Variants in PSD3 observed in about 807,000 individuals in gnomAD.
PSD3 encodes PH and SEC7 domain-containing protein 3.
PSD3 carries 49 observed loss-of-function variants against 105.5 expected under a neutral mutation model. The observed-to-expected ratio is 0.46, with a 90% CI of 0.37 to 0.59. The LOEUF (loss-of-function observed/expected upper bound fraction) is 0.59. PSD3 is among the 20% of genes least tolerant of loss of function. PSD3 has a pLI of 0.00. For synonymous variants in PSD3, 557 were observed against 457.8 expected (o/e 1.22, Z -2.77); for missense variants, 1,561 against 1,263.8 (o/e 1.24, Z -3.57).
rs756453766 is a variant in PSD3, at chr8:18,936,059, T to G, written c.105A>C (p.Arg35Ser). Residue 35 changes from arginine to serine, a missense_variant, in exon 2 of 16, where the codon AGA becomes AGC. Arg to Ser is a moderately radical substitution (Grantham distance 110). Transcript: ENST00000327040. ...AKAKYEFLFG[R>S]SEGKAPDTSD... Reference sequence around the variant, plus strand: ...TAGTATCTGGAGCTTTCCCTTCAGATCTGCCAAATAAAAATTCATATTTGG... The same window carrying G: ...TAGTATCTGGAGCTTTCCCTTCAGAGCTGCCAAATAAAAATTCATATTTGG... The G allele has an allele frequency of 4.3e-6, 7 of 1,612,732 alleles. No individual in the cohort carries two copies. Among genetic ancestry groups the G allele is most frequent in the Admixed American group, 3.3e-5 (2 of 60,020 alleles).
chr8:18,587,925 C>A (rs1400616992), intron 12 of PSD3, among the ~76,000 whole-genome samples: 2 of 152,184 alleles, frequency 1.3e-5, no homozygotes, highest in Admixed American at 6.5e-5. Context: ...TCTGCTATCA[C>A]ATGCTGGTAG....
chr8:18,825,319 C>T (rs966133377), intron 4 of PSD3, among the ~76,000 whole-genome samples: 2 of 152,194 alleles, frequency 1.3e-5, no homozygotes, highest in Non-Finnish European at 2.9e-5. Flanking sequence ...TCTCCAAATT[C>T]AGTGTCTGTA....
intron 14 of PSD3, among the ~76,000 whole-genome samples, chr8:18,564,709 C>T (rs1451264013): frequency 3.3e-5 from 5 of 151,372 alleles, no homozygotes; most frequent in African/African-American, 9.7e-5. Flanking sequence ...TGGGTGGGGG[C>T]GCAGTGAAGG....
At chr8:18,546,303 T>C (rs1246068535) in intron 15 of PSD3, among the ~76,000 whole-genome samples, 1 of 152,162 alleles carries the variant, frequency 6.6e-6, no homozygotes, top group Admixed American at 6.5e-5. Context: ...AGCCTTGAAG[T>C]AATTTTAAAC....
intron 9 of PSD3, among the ~76,000 whole-genome samples, chr8:18,670,827 C>A (rs906018236): frequency 6.6e-6 from 1 of 152,016 alleles, no homozygotes; most frequent in East Asian, 1.9e-4. Context: ...TACACACAAC[C>A]CCACCGACAA....
chr8:19,077,258 T>G (rs1829488075), intron 1 of PSD3, among the ~76,000 whole-genome samples: 1 of 152,224 alleles, frequency 6.6e-6, no homozygotes. Flanking sequence ...GATATAACAT[T>G]GTAAGTGCTT....
chr8:18,769,055 C>T (rs923497809), intron 8 of PSD3, among the ~76,000 whole-genome samples: 12 of 152,068 alleles, frequency 7.9e-5, no homozygotes, highest in African/African-American at 2.9e-4. Flanking sequence ...TCAGTTTTCC[C>T]AATCCTTTCC....
intron 4 of PSD3, among the ~76,000 whole-genome samples, chr8:18,810,707 C>T (rs1317286613): frequency 6.6e-6 from 1 of 152,084 alleles, no homozygotes. Flanking sequence ...GAATTTTATA[C>T]ATAACTTAGG....
chr8:18,960,246 T>G (rs950590867), intron 1 of PSD3, among the ~76,000 whole-genome samples: 1 of 152,210 alleles, frequency 6.6e-6, no homozygotes, highest in Non-Finnish European at 1.5e-5. Flanking sequence ...AAATTATGAA[T>G]GTCAGAATGC....
At chr8:19,002,473 T>G (rs1384157817) in intron 1 of PSD3, among the ~76,000 whole-genome samples, 1 of 152,032 alleles carries the variant, frequency 6.6e-6, no homozygotes, top group Non-Finnish European at 1.5e-5. Flanking sequence ...TAGTATCTAC[T>G]GAAGAGTACC....
chr8:18,955,708 G>A (rs1823524819), intron 1 of PSD3, among the ~76,000 whole-genome samples: 1 of 152,086 alleles, frequency 6.6e-6, no homozygotes, highest in Non-Finnish European at 1.5e-5. Flanking sequence ...CAGGGACTGT[G>A]TTTTCAGTCA....
chr8:18,762,391 G>A lies in PSD3; in HGVS notation c.2172+3058C>T, dbSNP rs114822391. 1.5e-3 allele frequency among the ~76,000 whole-genome samples: 221 copies of A among 152,274 alleles called. 1 individual carries two copies. The highest frequency in any genetic ancestry group is 5.1e-3 in the African/African-American group (210 of 41,568). On this transcript the variant is annotated intron_variant, in intron 9 of 15. Coordinates refer to ENST00000327040, the MANE Select transcript of PSD3 (RefSeq NM_015310.4). Reference sequence around the variant, plus strand: ...ATGCCAGCATCAGGCTTTCTGTACAGCCCGCAGAACCATGATCAAAATAAA... The same window carrying A: ...ATGCCAGCATCAGGCTTTCTGTACAACCCGCAGAACCATGATCAAAATAAA...
intron 12 of PSD3, among the ~76,000 whole-genome samples, chr8:18,584,651 C>A (rs768065610): frequency 2.6e-5 from 4 of 152,180 alleles, no homozygotes; most frequent in Non-Finnish European, 4.4e-5. Context: ...ATCTGCCAAG[C>A]CGTTTCCTAC....
rs117102296 is a variant in PSD3, at chr8:18,703,405, G to C, written c.2173-47720C>G. 6.6e-3 allele frequency among the ~76,000 whole-genome samples: 1,011 copies of C among 152,290 alleles called. 6 individuals carry two copies. Among genetic ancestry groups the C allele is most frequent in the Non-Finnish European group, 0.01 (707 of 68,028 alleles). ...GCTCATTAAGCACTTTTAAGACGTC[G>C]AAATTGAAATAACTATCCTTCAGTT... On this transcript the variant is annotated intron_variant, in intron 9 of 15. Coordinates refer to ENST00000327040, the MANE Select transcript of PSD3 (RefSeq NM_015310.4).
At chr8:18,735,217 T>C (rs1585773539) in intron 9 of PSD3, among the ~76,000 whole-genome samples, 1 of 152,052 alleles carries the variant, frequency 6.6e-6, no homozygotes, top group African/African-American at 2.4e-5. Context: ...TTTATAGAGA[T>C]AAGAGGAGAC....
intron 4 of PSD3, among the ~76,000 whole-genome samples, chr8:18,835,115 C>T (rs1586172759): frequency 6.6e-6 from 1 of 152,152 alleles, no homozygotes; most frequent in Non-Finnish European, 1.5e-5. Flanking sequence ...ACATTAAAGG[C>T]AGAAGTACAA....
chr8:18,919,244 T>A (rs1012717186), intron 2 of PSD3, among the ~76,000 whole-genome samples: 1 of 152,174 alleles, frequency 6.6e-6, no homozygotes, highest in Admixed American at 6.5e-5. Context: ...TACTCCTTGA[T>A]AGAGAAACGC....
At chr8:18,686,983 G>C (rs577848732) in intron 9 of PSD3, among the ~76,000 whole-genome samples, 7 of 152,186 alleles carry the variant, frequency 4.6e-5, no homozygotes, top group African/African-American at 1.7e-4. Context: ...TCATTCATTT[G>C]CCACCAAAAC....
At chr8:18,643,669 A>G (rs1051176671) in intron 10 of PSD3, among the ~76,000 whole-genome samples, 1 of 152,240 alleles carries the variant, frequency 6.6e-6, no homozygotes, top group Admixed American at 6.5e-5. Flanking sequence ...AAAGCTGGAG[A>G]ATAGTTTCCT....
Sources: allele counts gnomAD v4.1 joint callset (sites outside exome capture counted in the v4.1 genomes callset), GRCh38; gene constraint gnomAD v4.1.1; transcripts MANE v1.5; gene names NCBI Gene and HGNC (gene_info 2026-07-23, HGNC 2026-07-21).